Variants in CSMD1 observed in about 807,000 individuals in gnomAD.
CSMD1 encodes the protein CUB and sushi domain-containing protein 1.
CSMD1 carries 213 observed loss-of-function variants against 417.5 expected under a neutral mutation model. The ratio of observed to expected loss-of-function variants is 0.51; its 90% CI spans 0.46 to 0.57. The LOEUF is 0.57. CSMD1 is among the 20% of genes least tolerant of loss of function. The probability of loss-of-function intolerance (pLI) is 0.00; values close to 1 mark genes in which losing one functional copy is unlikely to be tolerated. For missense variants in CSMD1, 6,923 were observed against 4,529.7 expected, an observed-to-expected ratio of 1.53 and a Z score of -15.17; for synonymous variants, 2,862 against 1,736.8, an observed-to-expected ratio of 1.65 and a Z score of -16.11.
At chr8:4,243,506 A>C (rs1295182346) in intron 3 of CSMD1, among the ~76,000 whole-genome samples, 1 of 152,174 alleles carries the variant, frequency 6.6e-6, no homozygotes, top group African/African-American at 2.4e-5. Context: ...TCTAATTTTA[A>C]ACAGCAGGCT....
intron 2 of CSMD1, among the ~76,000 whole-genome samples, chr8:4,441,617 TCAC>T (rs530745210): frequency 7.6e-4 from 115 of 152,288 alleles, no homozygotes; most frequent in African/African-American, 2.7e-3. Flanking sequence ...CTGAAGTTCT[TCAC>T]CACCTAGGTA....
rs117846911 is a variant in CSMD1, at chr8:4,299,004, A to C, written c.415+120949T>G. 9.7e-3 allele frequency among the ~76,000 whole-genome samples: 1,475 copies of C among 152,204 alleles called. 17 individuals are homozygous for C. Among genetic ancestry groups the C allele is most frequent in the Middle Eastern group, 0.017 (5 of 290 alleles). The stretch of plus-strand genomic sequence containing the variant: ...GTTGCTTTGCAGATCTACTGATGTT[A>C]AATTTGCCATTTAAAAAGCAGAATA... On this transcript the variant is annotated intron_variant, in intron 3 of 69. Coordinates refer to ENST00000635120, the MANE Select transcript of CSMD1 (RefSeq NM_033225.6).
intron 5 of CSMD1, among the ~76,000 whole-genome samples, chr8:3,932,752 C>A (rs981483465): frequency 2.0e-5 from 3 of 150,242 alleles, no homozygotes; most frequent in Non-Finnish European, 4.4e-5. Context: ...ATGGGATAAA[C>A]CACTAATAAC....
chr8:4,355,252 T>G (rs907060627), intron 3 of CSMD1, among the ~76,000 whole-genome samples: 1 of 151,520 alleles, frequency 6.6e-6, no homozygotes, highest in Admixed American at 6.6e-5. Context: ...AGAAACTCCA[T>G]TTCAAATAAA....
At chr8:4,068,942 G>C (rs960863002) in intron 3 of CSMD1, among the ~76,000 whole-genome samples, 15 of 152,086 alleles carry the variant, frequency 9.9e-5, no homozygotes, top group African/African-American at 3.1e-4. Context: ...GAAATTCTTA[G>C]CAAAATTTAC....
chr8:4,187,139 A>G lies in CSMD1; in HGVS notation c.416-155040T>C, dbSNP rs547396378. ...CACCAAGTCTCCACTCTGTTAAAAC[A>G]TATTGATTTACTGCTTGTAGTATTA... On this transcript the variant is annotated intron_variant, in intron 3 of 69. Coordinates refer to ENST00000635120, the MANE Select transcript of CSMD1 (RefSeq NM_033225.6). Among the ~76,000 whole-genome samples the G allele has an allele frequency of 1.3e-3, 12 of 9,120 alleles. No individual in the cohort carries two copies. In the South Asian group the frequency reaches 0.054, roughly 41 times the overall value. The allele number at this position is 9,120 out of a possible 152,430, so 6.0% of individuals were successfully genotyped here.
chr8:4,231,161 G>C (rs889460592), intron 3 of CSMD1, among the ~76,000 whole-genome samples: 5 of 152,178 alleles, frequency 3.3e-5, no homozygotes, highest in African/African-American at 7.2e-5. Flanking sequence ...TATTGATATA[G>C]TGAAATGTTT....
chr8:3,519,731 T>C (rs1797424233), intron 10 of CSMD1, among the ~76,000 whole-genome samples: 1 of 152,154 alleles, frequency 6.6e-6, no homozygotes, highest in Admixed American at 6.6e-5. Flanking sequence ...TGGGGTTGTG[T>C]TTTCTGTGAT....
At chr8:4,440,294 A>G (rs996331735) in intron 2 of CSMD1, among the ~76,000 whole-genome samples, 1 of 152,206 alleles carries the variant, frequency 6.6e-6, no homozygotes, top group African/African-American at 2.4e-5. Context: ...TACTATAACC[A>G]GAAAAATGGA....
chr8:4,120,654 C>G (rs532222273), intron 3 of CSMD1, among the ~76,000 whole-genome samples: 1 of 152,208 alleles, frequency 6.6e-6, no homozygotes, highest in African/African-American at 2.4e-5. Flanking sequence ...TAGTCAGTAA[C>G]TTCATCACGT....
intron 3 of CSMD1, among the ~76,000 whole-genome samples, chr8:4,249,452 G>A (rs1171107926): frequency 2.0e-5 from 3 of 152,162 alleles, no homozygotes; most frequent in Admixed American, 2.0e-4. Context: ...CACAACCATG[G>A]AGACAGTGCG....
intron 3 of CSMD1, among the ~76,000 whole-genome samples, chr8:4,203,710 A>T (rs565917784): frequency 8.5e-4 from 129 of 152,252 alleles, no homozygotes; most frequent in African/African-American, 2.9e-3. Flanking sequence ...AAACATACAC[A>T]CACATACACA....
intron 2 of CSMD1, among the ~76,000 whole-genome samples, chr8:4,465,631 AG>A (rs1800120374): frequency 6.6e-6 from 1 of 152,212 alleles, no homozygotes; most frequent in Non-Finnish European, 1.5e-5. Flanking sequence ...AGGCCTCAGT[AG>A]AACAAGATTT....
chr8:4,123,959 GAA>G (rs1351365380), intron 3 of CSMD1, among the ~76,000 whole-genome samples: 1 of 151,714 alleles, frequency 6.6e-6, no homozygotes, highest in Non-Finnish European at 1.5e-5. Flanking sequence ...AAAAAAGCTG[GAA>G]AAAAGTTTCT....
Position 4,278,276 on chromosome 8 carries a change from G to C in CSMD1, c.415+141677C>G, listed in dbSNP as rs80022075. ...TTCAGTTTAATTTTCAATGGATGGA[G>C]TGTAAAGTTCAAGGAGGTTAAAAAC... On this transcript the variant is annotated intron_variant, in intron 3 of 69. Transcript: ENST00000635120. Among the ~76,000 whole-genome samples the C allele has an allele frequency of 5.1e-3, 781 of 152,236 alleles. 6 individuals carry two copies. The highest frequency in any genetic ancestry group is 0.017 in the African/African-American group (722 of 41,540).
At chr8:4,825,159 G>A (rs1352175993) in intron 1 of CSMD1, among the ~76,000 whole-genome samples, 1 of 151,892 alleles carries the variant, frequency 6.6e-6, no homozygotes, top group Non-Finnish European at 1.5e-5. Context: ...TGAAGAAGTG[G>A]GATAAATGTG....
chr8:4,928,627 C>A (rs1347057696), intron 1 of CSMD1, among the ~76,000 whole-genome samples: 1 of 152,136 alleles, frequency 6.6e-6, no homozygotes. Flanking sequence ...GTAACTGGCT[C>A]ATAGTAAGGG....
intron 6 of CSMD1, among the ~76,000 whole-genome samples, chr8:3,710,643 C>G (rs907338961): frequency 6.6e-6 from 1 of 152,140 alleles, no homozygotes; most frequent in African/African-American, 2.4e-5. Context: ...GACCATGCCT[C>G]TTGGACTCTA....
chr8:4,185,119 C>G (rs916210018), intron 3 of CSMD1, among the ~76,000 whole-genome samples: 1 of 133,612 alleles, frequency 7.5e-6, no homozygotes, highest in South Asian at 2.4e-4. Flanking sequence ...AGCCTGGGCA[C>G]CTGAGTGAAA....
Sources: allele counts gnomAD v4.1 joint callset (sites outside exome capture counted in the v4.1 genomes callset), GRCh38; gene constraint gnomAD v4.1.1; transcripts MANE v1.5; gene names NCBI Gene and HGNC (gene_info 2026-07-23, HGNC 2026-07-21).